USP43: variants seen among roughly 807,000 people sequenced by gnomAD.
The protein encoded by USP43 is ubiquitin specific peptidase 43.
USP43 carries 33 observed loss-of-function variants against 90.7 expected under a neutral mutation model. The observed-to-expected ratio is 0.36, with a 90% CI of 0.28 to 0.49. The LOEUF (loss-of-function observed/expected upper bound fraction) is 0.49, where lower values mean the gene tolerates loss of function less well. USP43 is among the 20% of genes least tolerant of loss of function. The pLI, the probability that USP43 is intolerant of heterozygous loss-of-function variation, is 0.98. For synonymous variants in USP43, 598 were observed against 615.8 expected (o/e 0.97, Z 0.43); for missense variants, 1,274 against 1,476.4 (o/e 0.86, Z 2.25).
In USP43 at chr17:9,645,973, C is replaced by T. The variant is rs748194066; in HGVS notation, c.341C>T (p.Ala114Val). The change falls in exon 1 of 15, where the codon GCG (alanine) becomes GTG (valine). Residue 114 changes from alanine (A) to valine (V), a missense_variant. Coordinates refer to ENST00000285199, the MANE Select transcript of USP43 (RefSeq NM_153210.5). This position sits in a 1 kb window ranked among gnomAD's most constrained non-coding sequence, Gnocchi z 6.8. ...CACGGCAACACCTGTTTCATGAACG[C>T]GGTGGTGCAGTGTCTCAGCAACACC... ...KNHGNTCFMNAVVQCLSNTDL... is the reference protein window; with the variant it reads ...KNHGNTCFMNVVVQCLSNTDL... The T allele has an allele frequency of 5.1e-5, 75 of 1,476,166 alleles. No homozygotes were observed. The East Asian group carries it at 2.2e-3, about 42-fold the overall frequency. The allele number at this position is 1,476,166 out of a possible 1,614,324, so 91.4% of individuals were successfully genotyped here.
chr17:9,686,925 G>A lies in USP43; in HGVS notation c.1353+16G>A. The A allele has an allele frequency of 6.2e-7, 1 of 1,608,192 alleles. No homozygotes were observed. Among genetic ancestry groups the A allele is most frequent in the Non-Finnish European group, 8.5e-7 (1 of 1,176,762 alleles). On this transcript the variant is annotated intron_variant, in intron 8 of 14. Coordinates refer to ENST00000285199, the MANE Select transcript of USP43 (RefSeq NM_153210.5). The surrounding 1 kb of genome is among the most constrained non-coding windows in gnomAD (Gnocchi z 5.5). ...CCCTGTACAGGTCAGTGGTGTGCAT[G>A]CGTGTGTGTGTGTGTGCGTGCATGC...
intron 12 of USP43, among the ~76,000 whole-genome samples, chr17:9,708,071 G>A (rs900684219): frequency 1.4e-5 from 2 of 143,020 alleles, no homozygotes; most frequent in Non-Finnish European, 3.0e-5. Flanking sequence ...TGAATAATGG[G>A]ATGAATTGCA....
In USP43 at chr17:9,709,481, C is replaced by T. The variant is rs1916063120; in HGVS notation, c.2012-475C>T. ...CTGTAATCCCAGCACTTTGGGAAGC[C>T]GAGGTGGGTGGATCATCTTAGGTCA... On this transcript the variant is annotated intron_variant, in intron 12 of 14. Coordinates refer to ENST00000285199, the MANE Select transcript of USP43 (RefSeq NM_153210.5). This position sits in a 1 kb window ranked among gnomAD's most constrained non-coding sequence, Gnocchi z 5.0. Among the ~76,000 whole-genome samples the T allele has an allele frequency of 1.3e-5, 2 of 151,976 alleles. No homozygotes were observed. The highest frequency in any genetic ancestry group is 2.1e-4 in the South Asian group (1 of 4,814).
At chr17:9,653,031 G>A (rs1323351149) in intron 1 of USP43, among the ~76,000 whole-genome samples, 2 of 152,050 alleles carry the variant, frequency 1.3e-5, no homozygotes, top group African/African-American at 4.8e-5. Context: ...TATGTCATAA[G>A]TTTTCACCCA....
At chr17:9,725,337 A>G (rs75546939) in intron 14 of USP43, among the ~76,000 whole-genome samples, 8,270 of 151,786 alleles carry the variant, frequency 0.054, 516 homozygotes, top group East Asian at 0.34. Flanking sequence ...GCGGGAGTTG[A>G]ACCAGAGTTA....
intron 14 of USP43, among the ~76,000 whole-genome samples, chr17:9,718,584 T>A (rs779179669): frequency 3.3e-5 from 5 of 152,062 alleles, no homozygotes; most frequent in Non-Finnish European, 5.9e-5. Flanking sequence ...CTCACACCTG[T>A]AATCCCAGCA....
rs1353373133 is a variant in USP43 at position 9,729,081 on chromosome 17, A to G, written c.*91A>G. On this transcript the variant is annotated 3_prime_UTR_variant, in exon 15 of 15. Transcript: ENST00000285199. ...CATGTTGAGAATGGGTTTCCAGGAAACCCGTTGTCTTGTAATCTCTAAAAA... is the reference window on the plus strand; with the variant it reads ...CATGTTGAGAATGGGTTTCCAGGAAGCCCGTTGTCTTGTAATCTCTAAAAA... 3.8e-5 allele frequency: 50 copies of G among 1,307,190 alleles called. No homozygotes were observed. The highest frequency in any genetic ancestry group is 4.7e-5 in the Non-Finnish European group (47 of 1,000,312). The allele number at this position is 1,307,190 out of a possible 1,614,324, so 81.0% of individuals were successfully genotyped here.
intron 3 of USP43, 78 bp downstream of exon 3, chr17:9,666,829 C>T: frequency 8.8e-7 from 1 of 1,132,830 alleles, no homozygotes; most frequent in East Asian, 2.6e-5. Flanking sequence ...CTCCCATTGA[C>T]AGATTTACCC....
chr17:9,674,877 C>G lies in USP43; in HGVS notation c.741-14C>G. On this transcript the variant is annotated splice_polypyrimidine_tract_variant and intron_variant, in intron 3 of 14. Coordinates refer to ENST00000285199, the MANE Select transcript of USP43 (RefSeq NM_153210.5). The surrounding 1 kb of genome is among the most constrained non-coding windows in gnomAD (Gnocchi z 4.4). ...GTGTGATTAAACGTTCGCCTCTGTT[C>G]TTCACCCTCACAGATCTTCCTTGAC... 1 of 1,610,708 alleles carries G rather than the reference C, an allele frequency of 6.2e-7. No homozygotes were observed. Among genetic ancestry groups the G allele is most frequent in the Non-Finnish European group, 8.5e-7 (1 of 1,177,008 alleles).
rs776428732 is a variant in USP43, at chr17:9,682,982, T to C, written c.1241+24T>C. The C allele has an allele frequency of 5.0e-6, 8 of 1,607,818 alleles. No homozygotes were observed. The East Asian group carries it at 1.6e-4, about 31-fold the overall frequency. The stretch of plus-strand genomic sequence containing the variant: ...AGGTATGTTTCACTTTATTCTTTTT[T>C]CATGTGGTGTCTGGGATTTGTAGAC... On this transcript the variant is annotated intron_variant, in intron 7 of 14. Transcript: ENST00000285199.
At chr17:9,660,293 G>A (rs1912554687) in intron 2 of USP43, among the ~76,000 whole-genome samples, 1 of 152,094 alleles carries the variant, frequency 6.6e-6, no homozygotes, top group South Asian at 2.1e-4. Flanking sequence ...TGGAACTACA[G>A]GCGTGTGCCA....
At chr17:9,676,591 C>G (rs376268405) in intron 4 of USP43, among the ~76,000 whole-genome samples, 155 bp from the exon 5 acceptor site, 1 of 152,176 alleles carries the variant, frequency 6.6e-6, no homozygotes, top group African/African-American at 2.4e-5. Flanking sequence ...AGGCTAGTCT[C>G]GAACTCTTGA....
rs187690859 is a variant in USP43 at position 9,677,593 on chromosome 17, C to T, written c.969+712C>T. Reference sequence around the variant, plus strand: ...CCCTCATGAGGAATAGGGAGGAGGCCGTGGTGGCGCCAAGCCACATGGCAG... The same window carrying T: ...CCCTCATGAGGAATAGGGAGGAGGCTGTGGTGGCGCCAAGCCACATGGCAG... On this transcript the variant is annotated intron_variant, in intron 5 of 14. Coordinates refer to ENST00000285199, the MANE Select transcript of USP43 (RefSeq NM_153210.5). Among the ~76,000 whole-genome samples, 470 of 152,248 alleles carry T rather than the reference C, an allele frequency of 3.1e-3. 1 individual carries two copies. Among genetic ancestry groups the T allele is most frequent in the South Asian group, 7.5e-3 (36 of 4,832 alleles).
At chr17:9,693,363 C>CG in intron 9 of USP43, 133 bp downstream of exon 9, 2 of 736,204 alleles carry the variant, frequency 2.7e-6, no homozygotes, top group Non-Finnish European at 4.5e-6. Flanking sequence ...CAGTACCAGC[C>CG]GCTATGTTAG....
rs1256357761 is a variant in USP43 at position 9,701,309 on chromosome 17, A to G, written c.1663-43A>G. The G allele has an allele frequency of 6.3e-7, 1 of 1,588,218 alleles. No individual in the cohort carries two copies. The highest frequency in any genetic ancestry group is 8.6e-7 in the Non-Finnish European group (1 of 1,166,268). ...GCTGGCTGCCTTTGGTGGGTTGGCC[A>G]CGTGCTGCGGGGGCCTCACAGTCCG... On this transcript the variant is annotated intron_variant, in intron 11 of 14. Coordinates refer to ENST00000285199, the MANE Select transcript of USP43 (RefSeq NM_153210.5). This position sits in a 1 kb window ranked among gnomAD's most constrained non-coding sequence, Gnocchi z 7.2.
rs539588685 is a variant in USP43, at chr17:9,709,859, G to C, written c.2012-97G>C. On this transcript the variant is annotated intron_variant, in intron 12 of 14. Coordinates refer to ENST00000285199, the MANE Select transcript of USP43 (RefSeq NM_153210.5). The surrounding 1 kb of genome is among the most constrained non-coding windows in gnomAD (Gnocchi z 5.0). ...AAATGGACTGTTTTTTTCTCATTCT[G>C]GTTTAAACATACCGCTTTTTCAGCT... The C allele has an allele frequency of 3.6e-4, 460 of 1,271,134 alleles. No homozygotes were observed. Among genetic ancestry groups the C allele is most frequent in the Non-Finnish European group, 4.5e-4 (448 of 988,748 alleles). 78.7% of individuals were successfully genotyped at this position (1,271,134 alleles called of 1,614,324 possible).
chr17:9,651,466 C>T (rs1035577781), intron 1 of USP43, among the ~76,000 whole-genome samples: 1 of 152,260 alleles, frequency 6.6e-6, no homozygotes. Context: ...TGTTCTTATG[C>T]ATCTATCTAT....
intron 2 of USP43, among the ~76,000 whole-genome samples, chr17:9,665,300 T>C (rs1345911390): frequency 1.3e-5 from 2 of 152,128 alleles, no homozygotes; most frequent in African/African-American, 4.8e-5. Context: ...TTCACACTGC[T>C]ATAAAGGAAT....
intron 3 of USP43, among the ~76,000 whole-genome samples, chr17:9,672,555 A>T (rs967287590): frequency 1.3e-5 from 2 of 152,200 alleles, no homozygotes; most frequent in African/African-American, 4.8e-5. Flanking sequence ...TTTCCCAATG[A>T]CCCAAGTATA....
Sources: allele counts gnomAD v4.1 joint callset (sites outside exome capture counted in the v4.1 genomes callset), GRCh38; gene constraint gnomAD v4.1.1; non-coding constraint Gnocchi (gnomAD v3.1); transcripts MANE v1.5; gene names NCBI Gene and HGNC (gene_info 2026-07-23, HGNC 2026-07-21).